Variants in RYR3 observed in about 807,000 individuals in gnomAD.
RYR3 encodes the protein ryanodine receptor 3, also known as brain ryanodine receptor-calcium release channel.
RYR3 carries 207 observed loss-of-function variants against 584.3 expected under a neutral mutation model. That is an observed-to-expected ratio of 0.35 (90% confidence interval 0.32 to 0.40). The LOEUF (loss-of-function observed/expected upper bound fraction) is 0.40, where lower values mean the gene tolerates loss of function less well. Among genes scored for constraint, RYR3 ranks in the 10% least tolerant of loss-of-function variants. The pLI is 1.00. For synonymous variants in RYR3, 2,416 were observed against 2,248.5 expected, an observed-to-expected ratio of 1.07 and a Z score of -2.11; for missense variants, 5,616 against 6,089.2, an observed-to-expected ratio of 0.92 and a Z score of 2.59.
chr15:33,802,323 T>C (rs2075962694), intron 69 of RYR3, among the ~76,000 whole-genome samples: 1 of 152,228 alleles, frequency 6.6e-6, no homozygotes, highest in South Asian at 2.1e-4. Context: ...TTTTGATAGC[T>C]AGGAAAAAAT....
chr15:33,409,357 A>C (rs1423224572), intron 1 of RYR3, among the ~76,000 whole-genome samples: 1 of 151,710 alleles, frequency 6.6e-6, no homozygotes, highest in East Asian at 1.9e-4. Context: ...TAAAAAAAAA[A>C]AAAAGAAAAA....
chr15:33,534,788 CAGG>C (rs1595484571), intron 5 of RYR3, among the ~76,000 whole-genome samples: 1 of 152,160 alleles, frequency 6.6e-6, no homozygotes, highest in Non-Finnish European at 1.5e-5. Context: ...AATTAATGAG[CAGG>C]AGAACAGCCG....
chr15:33,460,479 C>T (rs563652755), intron 1 of RYR3, among the ~76,000 whole-genome samples: 1 of 152,254 alleles, frequency 6.6e-6, no homozygotes, highest in African/African-American at 2.4e-5. Flanking sequence ...TGGATTTACA[C>T]CACTACTTAC....
intron 65 of RYR3, among the ~76,000 whole-genome samples, chr15:33,782,322 A>G (rs750725776): frequency 2.6e-5 from 4 of 152,190 alleles, no homozygotes; most frequent in African/African-American, 9.6e-5. Flanking sequence ...TTTTCATTCT[A>G]TATACCTTTG....
At chr15:33,777,898 G>A (rs1049031208) in intron 64 of RYR3, among the ~76,000 whole-genome samples, 4 of 152,172 alleles carry the variant, frequency 2.6e-5, no homozygotes, top group Admixed American at 6.5e-5. Context: ...GGCAGGACGC[G>A]GTGGCTCACG....
In RYR3 at chr15:33,865,229, C is replaced by CTGAATCAAAG; in HGVS notation, c.*4_*13dup. On this transcript the variant is annotated 3_prime_UTR_variant, in exon 104 of 104. Coordinates refer to ENST00000634891, the MANE Select transcript of RYR3 (RefSeq NM_001036.6). ...AATATGAAGATCAGCTTGGATAAAT[C>CTGAATCAAAG]TGAATCAAAGAAGCGCGACAATTCT... 2 of 1,607,920 alleles carry CTGAATCAAAG rather than the reference C, an allele frequency of 1.2e-6. No individual in the cohort carries two copies. The highest frequency in any genetic ancestry group is 1.7e-6 in the Non-Finnish European group (2 of 1,176,432).
chr15:33,855,911 C>G (rs1467528917), intron 98 of RYR3: 1 of 152,184 alleles, frequency 6.6e-6, no homozygotes, highest in Non-Finnish European at 1.5e-5. Flanking sequence ...TTTCATTCCT[C>G]ATTAAGTACA....
chr15:33,514,316 G>A (rs982483616), intron 3 of RYR3, among the ~76,000 whole-genome samples: 4 of 152,290 alleles, frequency 2.6e-5, no homozygotes, highest in East Asian at 3.9e-4. Context: ...TCCAGACCCC[G>A]TTTCTCTGCT....
intron 99 of RYR3, 79 bp downstream of exon 99, chr15:33,857,993 T>A: frequency 6.4e-7 from 1 of 1,566,862 alleles, no homozygotes; most frequent in Non-Finnish European, 8.7e-7. Context: ...GAAGAAGGGC[T>A]GTGTGGGGGT....
At chr15:33,779,078 C>T (rs139881138) in intron 64 of RYR3, among the ~76,000 whole-genome samples, 234 of 152,306 alleles carry the variant, frequency 1.5e-3, no homozygotes, top group African/African-American at 5.5e-3. Context: ...CTCACCCACC[C>T]TTCCCTCCTC....
intron 1 of RYR3, among the ~76,000 whole-genome samples, chr15:33,341,883 C>T (rs1032475407): frequency 7.2e-5 from 11 of 151,914 alleles, no homozygotes; most frequent in African/African-American, 2.7e-4. Flanking sequence ...GATTGTAAGT[C>T]ATTTCTAGAC....
intron 67 of RYR3, among the ~76,000 whole-genome samples, chr15:33,790,470 C>T (rs1434857722): frequency 6.6e-6 from 1 of 152,038 alleles, no homozygotes; most frequent in Non-Finnish European, 1.5e-5. Context: ...AAAATGATTC[C>T]AGGAATTTTG....
chr15:33,418,068 T>C (rs2141572977), intron 1 of RYR3, among the ~76,000 whole-genome samples: 1 of 152,306 alleles, frequency 6.6e-6, no homozygotes, highest in South Asian at 2.1e-4. Flanking sequence ...TGGATTCAGT[T>C]TGCTAGTATT....
intron 1 of RYR3, among the ~76,000 whole-genome samples, chr15:33,341,628 G>A (rs1971831964): frequency 6.6e-6 from 1 of 152,048 alleles, no homozygotes. Flanking sequence ...AGGAGGGGAG[G>A]GGTTGTTCAT....
chr15:33,593,953 G>C (rs1567618593), intron 16 of RYR3, among the ~76,000 whole-genome samples: 1 of 152,132 alleles, frequency 6.6e-6, no homozygotes, highest in Non-Finnish European at 1.5e-5. Context: ...GGGCTTTGAT[G>C]GAACTTTGTT....
intron 48 of RYR3, among the ~76,000 whole-genome samples, chr15:33,732,523 A>G (rs923085298): frequency 6.6e-6 from 1 of 152,156 alleles, no homozygotes; most frequent in African/African-American, 2.4e-5. Context: ...CCAGCTGAGG[A>G]CAAAAGGTAA....
At chr15:33,453,445 C>A (rs2047298760) in intron 1 of RYR3, among the ~76,000 whole-genome samples, 1 of 152,150 alleles carries the variant, frequency 6.6e-6, no homozygotes, top group Non-Finnish European at 1.5e-5. Flanking sequence ...ACAACATTTG[C>A]TTCCATGATT....
intron 38 of RYR3, among the ~76,000 whole-genome samples, chr15:33,692,445 T>C (rs1009663908): frequency 2.0e-5 from 3 of 152,036 alleles, no homozygotes; most frequent in African/African-American, 4.8e-5. Context: ...TCCCCCTGAA[T>C]TTTATTTCTT....
chr15:33,857,775 C>A lies in RYR3; in HGVS notation c.14008-5C>A. 1 of 1,613,962 alleles carries A rather than the reference C, an allele frequency of 6.2e-7. No individual in the cohort carries two copies. The highest frequency in any genetic ancestry group is 8.5e-7 in the Non-Finnish European group (1 of 1,179,868). ...CTTTTCCTTTCTCTGTCCTCTCATT[C>A]CCAGTTGGTTCTGACTGTCGGTCTC... On this transcript the variant is annotated splice_region_variant and splice_polypyrimidine_tract_variant and intron_variant, in intron 98 of 103. Coordinates refer to ENST00000634891, the MANE Select transcript of RYR3 (RefSeq NM_001036.6).
Sources: allele counts gnomAD v4.1 joint callset (sites outside exome capture counted in the v4.1 genomes callset), GRCh38; gene constraint gnomAD v4.1.1; transcripts MANE v1.5; gene names NCBI Gene and HGNC (gene_info 2026-07-23, HGNC 2026-07-21).